SPTBN1: variants seen among roughly 807,000 people sequenced by gnomAD.
The protein encoded by SPTBN1 is spectrin beta chain, non-erythrocytic 1.
In SPTBN1, 32 loss-of-function variants were observed where a neutral mutation model predicts 266.4. The ratio of observed to expected loss-of-function variants is 0.12; its 90% CI spans 0.09 to 0.16. The LOEUF (loss-of-function observed/expected upper bound fraction) is 0.16, where lower values mean the gene tolerates loss of function less well. Ranked by LOEUF, SPTBN1 falls within the 10% of genes least tolerant of loss-of-function variation. SPTBN1 has a pLI of 1.00. For synonymous variants in SPTBN1, 1,336 were observed against 1,162.2 expected (o/e 1.15, Z -3.04); for missense variants, 2,296 against 3,067.1 (o/e 0.75, Z 5.94).
chr2:54,502,260 A>C (rs1221201946), intron 1 of SPTBN1, among the ~76,000 whole-genome samples: 1 of 152,126 alleles, frequency 6.6e-6, no homozygotes, highest in Non-Finnish European at 1.5e-5. Context: ...GCTGATGGGA[A>C]GGTTTGTTAG....
chr2:54,646,230 A>G lies in SPTBN1; in HGVS notation c.4621A>G (p.Ile1541Val), dbSNP rs753148110. Residue 1541 changes from isoleucine to valine, a missense_variant, in exon 23 of 36, where the codon ATT becomes GTT. Coordinates refer to ENST00000356805, the MANE Select transcript of SPTBN1 (RefSeq NM_003128.3). The surrounding 1 kb of genome is among the most constrained non-coding windows in gnomAD (Gnocchi z 4.4). ...QKEIQGHQPRIDDIFERSQNI... is the reference protein window; with the variant it reads ...QKEIQGHQPRVDDIFERSQNI... Reference sequence around the variant, plus strand: ...AGAAATCCAGGGGCACCAGCCTCGCATTGACGACATCTTTGAGAGGAGCCA... The same window carrying G: ...AGAAATCCAGGGGCACCAGCCTCGCGTTGACGACATCTTTGAGAGGAGCCA... 5 of 1,613,236 alleles carry G rather than the reference A, an allele frequency of 3.1e-6. No individual in the cohort carries two copies. Among genetic ancestry groups the G allele is most frequent in the African/African-American group, 1.3e-5 (1 of 74,888 alleles).
intron 18 of SPTBN1, among the ~76,000 whole-genome samples, chr2:54,639,686 C>G (rs1422550252): frequency 6.6e-6 from 1 of 152,216 alleles, no homozygotes; most frequent in East Asian, 1.9e-4. Flanking sequence ...AATGGTCAGT[C>G]TTAATAGGTC....
rs769939127 is a variant in SPTBN1 at position 54,628,899 on chromosome 2, C to G, written c.1799-34C>G. On this transcript the variant is annotated intron_variant, in intron 13 of 35. Coordinates refer to ENST00000356805, the MANE Select transcript of SPTBN1 (RefSeq NM_003128.3). The surrounding 1 kb of genome is among the most constrained non-coding windows in gnomAD (Gnocchi z 4.3). ...AGCCTGCACCCATGCTGAGCTCCCTCACACAGCCACGTTCCTTCCTTGATG... is the reference window on the plus strand; with the variant it reads ...AGCCTGCACCCATGCTGAGCTCCCTGACACAGCCACGTTCCTTCCTTGATG... 21 of 1,545,682 alleles carry G rather than the reference C, an allele frequency of 1.4e-5. No homozygotes were observed. Among genetic ancestry groups the G allele is most frequent in the Non-Finnish European group, 1.7e-5 (19 of 1,147,342 alleles).
chr2:54,573,958 G>T (rs1558857059), intron 2 of SPTBN1, among the ~76,000 whole-genome samples: 1 of 152,114 alleles, frequency 6.6e-6, no homozygotes, highest in Non-Finnish European at 1.5e-5. Context: ...CTCCTCTGGG[G>T]TTGCTGTGAG....
chr2:54,469,963 T>C (rs1693839318), intron 1 of SPTBN1, among the ~76,000 whole-genome samples: 1 of 152,250 alleles, frequency 6.6e-6, no homozygotes, highest in African/African-American at 2.4e-5. Flanking sequence ...GCACACATCC[T>C]GTCTTTCATT....
chr2:54,515,354 T>C (rs1264300547), intron 1 of SPTBN1, among the ~76,000 whole-genome samples: 1 of 152,188 alleles, frequency 6.6e-6, no homozygotes, highest in East Asian at 1.9e-4. Flanking sequence ...GTGAATAACT[T>C]TATTGCAATT....
intron 30 of SPTBN1, 110 bp from the exon 31 acceptor site, chr2:54,659,044 G>A (rs1485924292): frequency 2.8e-6 from 3 of 1,062,674 alleles, no homozygotes; most frequent in African/African-American, 1.6e-5. Flanking sequence ...CTTGTCCAGT[G>A]TGGTCCAGTT....
intron 27 of SPTBN1, 146 bp from the exon 28 acceptor site, chr2:54,654,924 T>A (rs1467094721): frequency 1.2e-5 from 14 of 1,181,540 alleles, no homozygotes; most frequent in South Asian, 1.6e-5. Context: ...TGGCCCAGCC[T>A]AAGCTCAGGG....
At chr2:54,493,401 GTTTTC>G (rs1312650926) in intron 1 of SPTBN1, among the ~76,000 whole-genome samples, 2 of 136,206 alleles carry the variant, frequency 1.5e-5, no homozygotes, top group Admixed American at 8.1e-5. Context: ...TGTGTTTTGT[GTTTTC>G]TTTTTTGGGG....
At chr2:54,572,527 A>C (rs1674161847) in intron 2 of SPTBN1, among the ~76,000 whole-genome samples, 1 of 152,244 alleles carries the variant, frequency 6.6e-6, no homozygotes, top group Non-Finnish European at 1.5e-5. Context: ...TCAGAAACTT[A>C]GATAGCACAC....
At chr2:54,640,583 A>G (rs1679460416) in intron 18 of SPTBN1, among the ~76,000 whole-genome samples, 1 of 152,094 alleles carries the variant, frequency 6.6e-6, no homozygotes, top group East Asian at 1.9e-4. Flanking sequence ...ACAGAGTCTC[A>G]CTCTGTTGCC....
chr2:54,500,654 AC>A (rs1669207748), intron 1 of SPTBN1, among the ~76,000 whole-genome samples: 3 of 151,836 alleles, frequency 2.0e-5, no homozygotes, highest in Admixed American at 6.6e-5. Flanking sequence ...CAAGGGATCC[AC>A]CCACCTCAGC....
chr2:54,525,477 G>T (rs961743912), intron 1 of SPTBN1, among the ~76,000 whole-genome samples: 1 of 152,050 alleles, frequency 6.6e-6, no homozygotes, highest in African/African-American at 2.4e-5. Context: ...CAGGTGATCC[G>T]CCCGCCTCAG....
Position 54,540,172 on chromosome 2 carries a change from A to C in SPTBN1, c.148+13606A>C, listed in dbSNP as rs1483232080. ...AGAAATGGTTGTTGGTTAATCTCCC[A>C]GTCTGTGGTATTCTGTTTTAGCAGT... On this transcript the variant is annotated intron_variant, in intron 2 of 35. Coordinates refer to ENST00000356805, the MANE Select transcript of SPTBN1 (RefSeq NM_003128.3). The surrounding 1 kb of genome is among the most constrained non-coding windows in gnomAD (Gnocchi z 5.6). Among the ~76,000 whole-genome samples, 1 of 152,198 alleles carries C rather than the reference A, an allele frequency of 6.6e-6. No homozygotes were observed. The highest frequency in any genetic ancestry group is 1.9e-4 in the East Asian group (1 of 5,202).
intron 7 of SPTBN1, among the ~76,000 whole-genome samples, chr2:54,620,183 G>A (rs372471400): frequency 1.2e-4 from 19 of 152,290 alleles, no homozygotes; most frequent in African/African-American, 3.9e-4. Context: ...GGGCTTGCCC[G>A]GACAGGCTTC....
chr2:54,645,285 A>G lies in SPTBN1; in HGVS notation c.4326A>G (p.Gln1442=). The G allele has an allele frequency of 1.9e-6, 3 of 1,614,240 alleles. No individual in the cohort carries two copies. Among genetic ancestry groups the G allele is most frequent in the South Asian group, 2.2e-5 (2 of 91,080 alleles). ...AGGAGATCGAAGAGCTCCAAAGCCA[A>G]GCCCAGGCCCTGAGTCAGGAAGGGA... is the stretch of plus-strand genomic sequence containing the variant. ...RKKEIEELQS[Q]AQALSQEGKS... is the part of the protein sequence containing the mutation. Residue 1442 remains glutamine, a synonymous_variant, in exon 21 of 36, where the codon CAA becomes CAG. Transcript: ENST00000356805. The surrounding 1 kb of genome is among the most constrained non-coding windows in gnomAD (Gnocchi z 4.3).
intron 1 of SPTBN1, among the ~76,000 whole-genome samples, chr2:54,486,957 A>G (rs1034722081): frequency 2.0e-5 from 3 of 152,006 alleles, no homozygotes; most frequent in Non-Finnish European, 4.4e-5. Flanking sequence ...GCTCTGAGTC[A>G]TTTACGTGAG....
In SPTBN1 at chr2:54,657,973, A is replaced by G. The variant is rs776278041; in HGVS notation, c.6170A>G (p.Lys2057Arg). The change falls in exon 30 of 36, where the codon AAG (lysine) becomes AGG (arginine). Residue 2057 changes from lysine to arginine, a missense_variant. This residue lies in a region of SPTBN1 where 644 missense variants were observed against 745.3 expected (regional missense o/e 0.86). Coordinates refer to ENST00000356805, the MANE Select transcript of SPTBN1 (RefSeq NM_003128.3). ...QSVDEVEKLIKRHEAFEKSAA... is the reference protein window; with the variant it reads ...QSVDEVEKLIRRHEAFEKSAA... ...GTGGACGAGGTGGAGAAGCTCATCA[A>G]GCGCCACGAGGCATTTGAAAAGTCT... is the stretch of plus-strand genomic sequence containing the variant. 5.0e-6 allele frequency: 8 copies of G among 1,614,274 alleles called. No homozygotes were observed. Among genetic ancestry groups the G allele is most frequent in the Admixed American group, 1.7e-5 (1 of 60,028 alleles).
rs1441093407 is a variant in SPTBN1, at chr2:54,466,608, G to T, written c.-48+10090G>T. ...AAAAAAAAAAAAAAAAAAAAAAAAA[G>T]TATGTTTATTCTTAGAAAGTTCATG... On this transcript the variant is annotated intron_variant, in intron 1 of 35. Coordinates refer to ENST00000356805, the MANE Select transcript of SPTBN1 (RefSeq NM_003128.3). Among the ~76,000 whole-genome samples, 3 of 113,880 alleles carry T rather than the reference G, an allele frequency of 2.6e-5. No individual in the cohort carries two copies. The South Asian group carries it at 9.5e-4, about 36-fold the overall frequency. 74.7% of individuals were successfully genotyped at this position (113,880 alleles called of 152,430 possible).
Sources: gnomAD v4.1 joint callset for allele counts (sites outside exome capture counted in the v4.1 genomes callset) on GRCh38, gnomAD v4.1.1 for gene constraint, gnomAD v4.1.1 regional missense constraint, Gnocchi (gnomAD v3.1) non-coding constraint, MANE v1.5 for transcripts, NCBI Gene and HGNC (gene_info 2026-07-23, HGNC 2026-07-21) for gene names.